Variants in DLG2 observed in about 807,000 individuals in gnomAD.
DLG2 encodes disks large homolog 2.
A neutral mutation model predicts 132.5 loss-of-function variants in DLG2; 45 were observed. The observed-to-expected ratio is 0.34, with a 90% CI of 0.27 to 0.44. The LOEUF is 0.44. DLG2 is among the 20% of genes least tolerant of loss of function. The probability of loss-of-function intolerance (pLI) is 1.00; values close to 1 mark genes in which losing one functional copy is unlikely to be tolerated. For missense variants in DLG2, 1,045 were observed against 1,196.9 expected (o/e 0.87, Z 1.87); for synonymous variants, 424 against 419.6 (o/e 1.01, Z -0.13).
At chr11:84,443,985 G>T (rs2099025170) in intron 7 of DLG2, among the ~76,000 whole-genome samples, 1 of 147,162 alleles carries the variant, frequency 6.8e-6, no homozygotes, top group African/African-American at 2.5e-5. Context: ...TAAATGTTTT[G>T]CTTTTCATCA....
rs532134243 is a variant in DLG2 at position 85,319,117 on chromosome 11, C to T, written c.41-33752G>A. Among the ~76,000 whole-genome samples, 16 of 151,840 alleles carry T rather than the reference C, an allele frequency of 1.1e-4. No homozygotes were observed. The South Asian group carries it at 3.3e-3, about 31-fold the overall frequency. ...ACTTCTCTGGTTCTTTTTATACATC[C>T]CTACTTCAGGATAATGTGAAGCTAA... is the stretch of plus-strand genomic sequence containing the variant. On this transcript the variant is annotated intron_variant, in intron 3 of 27. Coordinates refer to ENST00000376104, the MANE Select transcript of DLG2 (RefSeq NM_001142699.3).
chr11:83,591,695 T>C (rs1217484559), intron 19 of DLG2, among the ~76,000 whole-genome samples: 29 of 150,764 alleles, frequency 1.9e-4, no homozygotes, highest in East Asian at 9.8e-4. Flanking sequence ...AAAGAGGAAG[T>C]CAAATTGTCC....
intron 19 of DLG2, among the ~76,000 whole-genome samples, chr11:83,618,897 C>A (rs1022502677): frequency 6.6e-6 from 1 of 152,198 alleles, no homozygotes; most frequent in Non-Finnish European, 1.5e-5. Flanking sequence ...GATCCTGGAG[C>A]AGAATTTGTG....
At chr11:84,021,807 G>C (rs565191041) in intron 11 of DLG2, among the ~76,000 whole-genome samples, 3 of 151,630 alleles carry the variant, frequency 2.0e-5, no homozygotes, top group Non-Finnish European at 4.4e-5. Flanking sequence ...GCCCAGGCTG[G>C]AGTGCAATTG....
intron 15 of DLG2, among the ~76,000 whole-genome samples, chr11:83,883,410 T>C (rs2154077219): frequency 6.6e-6 from 1 of 152,324 alleles, no homozygotes; most frequent in African/African-American, 2.4e-5. Flanking sequence ...CCATCATCCA[T>C]ACTTTCCATG....
At chr11:84,037,931 C>T (rs75605525) in intron 11 of DLG2, among the ~76,000 whole-genome samples, 2 of 152,000 alleles carry the variant, frequency 1.3e-5, no homozygotes, top group African/African-American at 2.4e-5. Flanking sequence ...CATATCTTTG[C>T]TCACCTTTCC....
At position 84,874,278 on chromosome 11, in the gene DLG2, A is replaced by C. The variant is rs929929435; in HGVS notation, c.357+237383T>G. 2.6e-5 allele frequency among the ~76,000 whole-genome samples: 4 copies of C among 152,208 alleles called. No individual in the cohort carries two copies. In the East Asian group the frequency reaches 7.7e-4, roughly 29 times the overall value. ...GGCTTCCTTTGAAGAAATGTGAATT[A>C]AGCTGACAATAGAATAAAAGTAGAA... On this transcript the variant is annotated intron_variant, in intron 6 of 27. Transcript: ENST00000376104.
intron 18 of DLG2, among the ~76,000 whole-genome samples, chr11:83,656,125 A>T (rs1365044043): frequency 2.0e-5 from 3 of 152,220 alleles, no homozygotes. Flanking sequence ...GAACTCAGAA[A>T]TGTTAACAGA....
At chr11:85,014,534 G>A (rs2059410060) in intron 6 of DLG2, among the ~76,000 whole-genome samples, 1 of 152,178 alleles carries the variant, frequency 6.6e-6, no homozygotes, top group African/African-American at 2.4e-5. Context: ...TATAGAGGGA[G>A]GGTTACATGC....
At chr11:83,557,374 AC>A (rs1219265877) in intron 19 of DLG2, among the ~76,000 whole-genome samples, 2 of 152,238 alleles carry the variant, frequency 1.3e-5, no homozygotes, top group Non-Finnish European at 1.5e-5. Flanking sequence ...TTTTGATGGT[AC>A]TAAGAGTTAA....
At chr11:84,568,237 G>A (rs148247207) in intron 6 of DLG2, among the ~76,000 whole-genome samples, 296 of 152,300 alleles carry the variant, frequency 1.9e-3, no homozygotes, top group African/African-American at 6.6e-3. Flanking sequence ...GGCTGAGTAC[G>A]TTGGCTCACG....
At chr11:85,243,643 C>T (rs1318572291) in intron 4 of DLG2, among the ~76,000 whole-genome samples, 2 of 151,778 alleles carry the variant, frequency 1.3e-5, no homozygotes, top group East Asian at 3.9e-4. Context: ...AGTTTTATTG[C>T]AAAGTCAAAG....
chr11:83,880,925 T>C (rs1423546884), intron 15 of DLG2, among the ~76,000 whole-genome samples: 19 of 152,222 alleles, frequency 1.2e-4, no homozygotes. Context: ...CATAACACTT[T>C]TGATTCTTTC....
intron 5 of DLG2, among the ~76,000 whole-genome samples, chr11:85,122,141 C>T (rs993916656): frequency 6.6e-6 from 1 of 152,180 alleles, no homozygotes; most frequent in Non-Finnish European, 1.5e-5. Context: ...CTAAGAACTT[C>T]CCCTGTCCTC....
At chr11:85,186,639 T>C (rs1159490994) in intron 4 of DLG2, among the ~76,000 whole-genome samples, 1 of 152,120 alleles carries the variant, frequency 6.6e-6, no homozygotes, top group Non-Finnish European at 1.5e-5. Context: ...AGAACATAGA[T>C]ACGTAGTAGT....
At chr11:85,152,429 G>A (rs1436230839) in intron 5 of DLG2, among the ~76,000 whole-genome samples, 1 of 151,928 alleles carries the variant, frequency 6.6e-6, no homozygotes, top group Admixed American at 6.6e-5. Context: ...AGTAGAGATG[G>A]GGTTTCACCA....
At chr11:83,717,966 G>T (rs2087159939) in intron 18 of DLG2, among the ~76,000 whole-genome samples, 1 of 152,130 alleles carries the variant, frequency 6.6e-6, no homozygotes, top group African/African-American at 2.4e-5. Flanking sequence ...AATAGTAAAG[G>T]AACAATCCCT....
At chr11:83,491,284 C>T (rs2093829913) in intron 21 of DLG2, among the ~76,000 whole-genome samples, 1 of 151,776 alleles carries the variant, frequency 6.6e-6, no homozygotes, top group South Asian at 2.1e-4. Context: ...AATCAAATCC[C>T]AACGACTATC....
chr11:84,916,529 T>C (rs1000200071), intron 6 of DLG2, among the ~76,000 whole-genome samples: 3 of 152,072 alleles, frequency 2.0e-5, no homozygotes, highest in Non-Finnish European at 2.9e-5. Context: ...TATAATTATA[T>C]ACAGAATTGA....
Sources: gnomAD v4.1 joint callset for allele counts (sites outside exome capture counted in the v4.1 genomes callset) on GRCh38, gnomAD v4.1.1 for gene constraint, MANE v1.5 for transcripts, NCBI Gene and HGNC (gene_info 2026-07-23, HGNC 2026-07-21) for gene names.